MALRD1: variants seen among roughly 807,000 people sequenced by gnomAD.
MALRD1 encodes MAM and LDL receptor class A domain containing 1, also known as MAM and LDL-receptor class A domain-containing protein 1.
MALRD1 carries 247 observed loss-of-function variants against 242.1 expected under a neutral mutation model. That is an observed-to-expected ratio of 1.02 (90% CI 0.92 to 1.13). The LOEUF (loss-of-function observed/expected upper bound fraction) is 1.13. Among genes scored for constraint, MALRD1 ranks in the 50% most tolerant of loss-of-function variants. The pLI is 0.00. For synonymous variants in MALRD1, 995 were observed against 866.6 expected (o/e 1.15, Z -2.60); for missense variants, 2,989 against 2,533.1 (o/e 1.18, Z -3.86).
rs571701512 is a variant in MALRD1, at chr10:19,310,437, A to T, written c.3420-13512A>T. Among the ~76,000 whole-genome samples the T allele has an allele frequency of 1.6e-4, 24 of 151,710 alleles. No homozygotes were observed. The East Asian group carries it at 4.7e-3, about 30-fold the overall frequency. On this transcript the variant is annotated intron_variant, in intron 21 of 39. Transcript: ENST00000454679. ...CAGTATGATGATTAATTGGAAATGC[A>T]TGTTGAAAAACAAAAAGCAGCTAGA...
At position 19,512,726 on chromosome 10, in the gene MALRD1, G is replaced by A. The variant is rs148194774; in HGVS notation, c.5320+14080G>A. Among the ~76,000 whole-genome samples the A allele has an allele frequency of 4.8e-3, 734 of 152,180 alleles. 17 individuals are homozygous for A. In the East Asian group the frequency reaches 0.079, roughly 16 times the overall value. On this transcript the variant is annotated intron_variant, in intron 31 of 39. Transcript: ENST00000454679. ...AATGATTTATAGGTAGAAATGCAGC[G>A]CCTAAAGACTTGGTTGTCTTCCCAG...
intron 29 of MALRD1, among the ~76,000 whole-genome samples, chr10:19,468,929 C>T (rs1836359254): frequency 6.6e-6 from 1 of 152,114 alleles, no homozygotes; most frequent in East Asian, 1.9e-4. Flanking sequence ...TCTTCTCTCC[C>T]TCCTCTTAAT....
At chr10:19,687,269 T>G (rs1052360870) in intron 36 of MALRD1, among the ~76,000 whole-genome samples, 14 of 152,342 alleles carry the variant, frequency 9.2e-5, no homozygotes, top group Middle Eastern at 6.8e-3. Context: ...CATTCAGCCT[T>G]GTGTAGTCAT....
At chr10:19,698,973 A>G (rs999057760) in intron 38 of MALRD1, among the ~76,000 whole-genome samples, 1 of 152,088 alleles carries the variant, frequency 6.6e-6, no homozygotes, top group African/African-American at 2.4e-5. Flanking sequence ...TGTTCTTACC[A>G]TAAGTGAGAG....
intron 8 of MALRD1, among the ~76,000 whole-genome samples, chr10:19,129,540 A>G (rs1837387454): frequency 1.3e-5 from 2 of 151,814 alleles, no homozygotes; most frequent in African/African-American, 4.8e-5. Context: ...TATTAGCTCA[A>G]TCTCCAGCCC....
At chr10:19,674,183 T>G (rs1482727986) in intron 36 of MALRD1, among the ~76,000 whole-genome samples, 1 of 152,146 alleles carries the variant, frequency 6.6e-6, no homozygotes, top group African/African-American at 2.4e-5. Context: ...AAGAAAAGGA[T>G]AAGCTTAGTA....
intron 18 of MALRD1, among the ~76,000 whole-genome samples, chr10:19,251,728 A>G (rs535479670): frequency 6.6e-6 from 1 of 152,140 alleles, no homozygotes; most frequent in East Asian, 1.9e-4. Context: ...TGAAAGAAGT[A>G]GGTGATATGG....
chr10:19,619,709 C>A (rs1408250032), intron 36 of MALRD1, among the ~76,000 whole-genome samples: 3 of 152,056 alleles, frequency 2.0e-5, no homozygotes, highest in Admixed American at 2.0e-4. Context: ...CATTGCATTG[C>A]AAGTTTTTCT....
At chr10:19,501,628 GA>G (rs772037872) in intron 31 of MALRD1, among the ~76,000 whole-genome samples, 57 of 152,302 alleles carry the variant, frequency 3.7e-4, no homozygotes, top group Non-Finnish European at 7.6e-4. Flanking sequence ...ATATTTCTAT[GA>G]ATGACTGTGA....
chr10:19,555,864 A>G (rs1471275419), intron 32 of MALRD1, among the ~76,000 whole-genome samples: 2 of 152,154 alleles, frequency 1.3e-5, no homozygotes, highest in Non-Finnish European at 2.9e-5. Context: ...TATGCTACTG[A>G]TTTTATTTTA....
intron 18 of MALRD1, among the ~76,000 whole-genome samples, chr10:19,235,860 G>T (rs187676254): frequency 6.6e-6 from 1 of 152,122 alleles, no homozygotes; most frequent in Admixed American, 6.6e-5. Flanking sequence ...TTGTTTTTAA[G>T]GTATTTCAAA....
intron 18 of MALRD1, among the ~76,000 whole-genome samples, chr10:19,248,219 C>T (rs1474088559): frequency 6.6e-6 from 1 of 151,706 alleles, no homozygotes; most frequent in Non-Finnish European, 1.5e-5. Flanking sequence ...AAGCTTTAGG[C>T]CAAATTTAAT....
chr10:19,080,192 AC>A (rs1835441220), intron 2 of MALRD1, among the ~76,000 whole-genome samples: 1 of 151,890 alleles, frequency 6.6e-6, no homozygotes, highest in African/African-American at 2.4e-5. Context: ...GGCCATACTG[AC>A]CAAAGTAATT....
At chr10:19,410,453 G>A (rs370152192) in intron 28 of MALRD1, among the ~76,000 whole-genome samples, 33 of 152,220 alleles carry the variant, frequency 2.2e-4, no homozygotes, top group African/African-American at 6.0e-4. Context: ...CTGGAATGAA[G>A]CTGTAGTCAG....
intron 32 of MALRD1, among the ~76,000 whole-genome samples, chr10:19,566,298 ATTTTTTTTTTTTT>A (rs10548629): frequency 9.0e-6 from 1 of 111,040 alleles, no homozygotes; most frequent in Non-Finnish European, 1.8e-5. Flanking sequence ...TGCCTGGCTA[ATTTTTTTTTTTTT>A]TTTTTTTTTT....
chr10:19,177,269 G>T (rs181964769), intron 14 of MALRD1, among the ~76,000 whole-genome samples: 1 of 132,242 alleles, frequency 7.6e-6, no homozygotes, highest in East Asian at 2.3e-4. Flanking sequence ...GACAGAGCAA[G>T]ATTCCTCTCA....
chr10:19,608,028 G>A, intron 35 of MALRD1, 126 bp downstream of exon 35: 5 of 1,278,082 alleles, frequency 3.9e-6, no homozygotes, highest in Non-Finnish European at 5.2e-6. Flanking sequence ...TTCTATTCTT[G>A]GTTTGGGGGC....
At chr10:19,192,543 G>T (rs1836034706) in intron 14 of MALRD1, among the ~76,000 whole-genome samples, 1 of 151,592 alleles carries the variant, frequency 6.6e-6, no homozygotes, top group Non-Finnish European at 1.5e-5. Flanking sequence ...ACAAGAAACT[G>T]AATTCTGCCA....
intron 25 of MALRD1, among the ~76,000 whole-genome samples, chr10:19,348,467 G>A (rs539921817): frequency 4.0e-5 from 6 of 151,472 alleles, no homozygotes; most frequent in South Asian, 2.1e-4. Context: ...AAATTGTTGA[G>A]TAAGTCTTCA....
Sources: allele counts gnomAD v4.1 joint callset (sites outside exome capture counted in the v4.1 genomes callset), GRCh38; gene constraint gnomAD v4.1.1; transcripts MANE v1.5; gene names NCBI Gene and HGNC (gene_info 2026-07-23, HGNC 2026-07-21).